PDE3B: variants seen among roughly 807,000 people sequenced by gnomAD.
PDE3B encodes the protein cGMP-inhibited 3',5'-cyclic phosphodiesterase 3B.
A neutral mutation model predicts 116.8 loss-of-function variants in PDE3B; 66 were observed. That is an observed-to-expected ratio of 0.56 (90% CI 0.46 to 0.69). The LOEUF (loss-of-function observed/expected upper bound fraction) is 0.69. Among genes scored for constraint, PDE3B ranks in the 30% least tolerant of loss-of-function variants. The probability of loss-of-function intolerance (pLI) is 0.00; values close to 1 mark genes in which losing one functional copy is unlikely to be tolerated. For synonymous variants in PDE3B, 595 were observed against 533.6 expected (o/e 1.12, Z -1.59); for missense variants, 1,384 against 1,368.1 (o/e 1.01, Z -0.18).
intron 5 of PDE3B, among the ~76,000 whole-genome samples, chr11:14,805,097 A>G (rs538505688): frequency 1.3e-5 from 2 of 152,322 alleles, no homozygotes; most frequent in East Asian, 3.9e-4. Flanking sequence ...AAAGGACAGA[A>G]TAACTTCGCA....
At chr11:14,804,123 CAT>C in intron 5 of PDE3B, 73 bp downstream of exon 5, 1 of 767,956 alleles carries the variant, frequency 1.3e-6, no homozygotes, top group Admixed American at 2.2e-5. Flanking sequence ...CTTTTCATCA[CAT>C]ATTTATAGCT....
chr11:14,714,232 G>GTATA (rs112089665), intron 1 of PDE3B, among the ~76,000 whole-genome samples: 2 of 151,896 alleles, frequency 1.3e-5, no homozygotes, highest in African/African-American at 4.8e-5. Flanking sequence ...GTATAAATGT[G>GTATA]TATATATATG....
At chr11:14,844,781 G>A (rs936957808) in intron 12 of PDE3B, among the ~76,000 whole-genome samples, 1 of 152,246 alleles carries the variant, frequency 6.6e-6, no homozygotes, top group Non-Finnish European at 1.5e-5. Context: ...GCAAGGCTGG[G>A]GAAAGGGCGC....
chr11:14,718,719 C>G (rs906519902), intron 1 of PDE3B, among the ~76,000 whole-genome samples: 6 of 150,226 alleles, frequency 4.0e-5, no homozygotes, highest in East Asian at 2.0e-4. Context: ...TTCTTTGAAA[C>G]CAACGAGAAC....
intron 1 of PDE3B, among the ~76,000 whole-genome samples, chr11:14,694,617 G>A (rs983149185): frequency 6.6e-6 from 1 of 152,042 alleles, no homozygotes; most frequent in African/African-American, 2.4e-5. Flanking sequence ...CTTTACTACA[G>A]TATAGTGTAA....
intron 1 of PDE3B, among the ~76,000 whole-genome samples, chr11:14,696,801 TC>T (rs1302663172): frequency 1.3e-5 from 2 of 152,196 alleles, no homozygotes; most frequent in Non-Finnish European, 2.9e-5. Flanking sequence ...GAACAAAAGT[TC>T]CTAGTTTTCA....
chr11:14,800,760 T>C (rs1361870164), intron 4 of PDE3B, among the ~76,000 whole-genome samples: 1 of 152,194 alleles, frequency 6.6e-6, no homozygotes, highest in Non-Finnish European at 1.5e-5. Context: ...TTTTCCAACT[T>C]GGCTCCATTC....
intron 4 of PDE3B, among the ~76,000 whole-genome samples, chr11:14,802,753 C>G (rs1034267705): frequency 6.6e-6 from 1 of 152,194 alleles, no homozygotes; most frequent in Non-Finnish European, 1.5e-5. Context: ...TTTATTCAAA[C>G]ACAAAGCTGT....
intron 14 of PDE3B, among the ~76,000 whole-genome samples, chr11:14,865,530 A>G (rs1051817662): frequency 6.6e-6 from 1 of 152,170 alleles, no homozygotes; most frequent in Admixed American, 6.6e-5. Context: ...GCAATGTTTT[A>G]CACCCACCAG....
chr11:14,837,165 CTGACCTTT>C (rs1412832196), intron 11 of PDE3B, among the ~76,000 whole-genome samples: 4 of 152,206 alleles, frequency 2.6e-5, no homozygotes, highest in African/African-American at 9.6e-5. Flanking sequence ...CTTTTTGACC[CTGACCTTT>C]TGATCTTTCC....
At chr11:14,864,059 C>A (rs1038859759) in intron 14 of PDE3B, among the ~76,000 whole-genome samples, 1 of 152,092 alleles carries the variant, frequency 6.6e-6, no homozygotes, top group Non-Finnish European at 1.5e-5. Flanking sequence ...TTCAGGAGAC[C>A]CATCTCACGT....
At chr11:14,722,448 A>T (rs1313868542) in intron 1 of PDE3B, among the ~76,000 whole-genome samples, 1 of 152,226 alleles carries the variant, frequency 6.6e-6, no homozygotes, top group Non-Finnish European at 1.5e-5. Context: ...GAGACATGCC[A>T]TTGAGTCAAG....
chr11:14,665,708 A>G (rs542344284), intron 1 of PDE3B, among the ~76,000 whole-genome samples: 12 of 152,248 alleles, frequency 7.9e-5, no homozygotes, highest in Non-Finnish European at 1.5e-4. Flanking sequence ...TAAAATACCT[A>G]GGAATCCAAC....
intron 1 of PDE3B, among the ~76,000 whole-genome samples, chr11:14,678,052 C>A (rs1031205883): frequency 1.3e-5 from 2 of 152,052 alleles, no homozygotes; most frequent in African/African-American, 4.8e-5. Flanking sequence ...CCACAGCCTC[C>A]GGAGTAGCTG....
chr11:14,745,524 T>C (rs11023325), intron 1 of PDE3B, among the ~76,000 whole-genome samples: 18,126 of 152,184 alleles, frequency 0.12, 1,373 homozygotes, highest in African/African-American at 0.22. Flanking sequence ...TCAAGAAATA[T>C]ATAAAAATGT....
chr11:14,672,816 C>T lies in PDE3B; in HGVS notation c.978+27763C>T, dbSNP rs557324525. Among the ~76,000 whole-genome samples the T allele has an allele frequency of 2.0e-4, 31 of 152,108 alleles. No homozygotes were observed. In the South Asian group the frequency reaches 6.2e-3, roughly 31 times the overall value. On this transcript the variant is annotated intron_variant, in intron 1 of 15. Coordinates refer to ENST00000282096, the MANE Select transcript of PDE3B (RefSeq NM_000922.4). ...GTGAGGTGAAAGTTGCATGTATCATCTTGCTCATATTCCACTGGTACTTAG... is the reference window on the plus strand; with the variant it reads ...GTGAGGTGAAAGTTGCATGTATCATTTTGCTCATATTCCACTGGTACTTAG...
intron 11 of PDE3B, among the ~76,000 whole-genome samples, chr11:14,839,326 A>C (rs1425327311): frequency 6.6e-6 from 1 of 152,252 alleles, no homozygotes; most frequent in African/African-American, 2.4e-5. Flanking sequence ...CTGGCAAAAC[A>C]GTGAACCAAA....
At chr11:14,744,703 G>C (rs1019627492) in intron 1 of PDE3B, among the ~76,000 whole-genome samples, 1 of 152,200 alleles carries the variant, frequency 6.6e-6, no homozygotes, top group Non-Finnish European at 1.5e-5. Flanking sequence ...AAGGAAATGA[G>C]ATAGGGAAGC....
At chr11:14,847,572 A>G (rs1847637750) in intron 12 of PDE3B, among the ~76,000 whole-genome samples, 1 of 152,092 alleles carries the variant, frequency 6.6e-6, no homozygotes, top group Non-Finnish European at 1.5e-5. Context: ...TGAAAGGATC[A>G]ACAAAATTGA....
Sources: allele counts gnomAD v4.1 joint callset (sites outside exome capture counted in the v4.1 genomes callset), GRCh38; gene constraint gnomAD v4.1.1; transcripts MANE v1.5; gene names NCBI Gene and HGNC (gene_info 2026-07-23, HGNC 2026-07-21).